Variants in UNC5C observed in about 807,000 individuals in gnomAD.
The protein encoded by UNC5C is netrin receptor UNC5C.
A neutral mutation model predicts 99.8 loss-of-function variants in UNC5C; 47 were observed. That is an observed-to-expected ratio of 0.47 (90% confidence interval 0.37 to 0.60). UNC5C has a LOEUF of 0.60. Ranked by LOEUF, UNC5C falls within the 20% of genes least tolerant of loss-of-function variation. The pLI is 0.00. For missense variants in UNC5C, 1,062 were observed against 1,165.9 expected (o/e 0.91, Z 1.30); for synonymous variants, 487 against 452.2 (o/e 1.08, Z -0.98).
chr4:95,364,209 C>A (rs902158671), intron 1 of UNC5C, among the ~76,000 whole-genome samples: 1 of 152,158 alleles, frequency 6.6e-6, no homozygotes, highest in Non-Finnish European at 1.5e-5. Flanking sequence ...TACAACACTG[C>A]TTTCCTGGCA....
At chr4:95,298,407 G>A (rs1443483266) in intron 3 of UNC5C, among the ~76,000 whole-genome samples, 3 of 152,206 alleles carry the variant, frequency 2.0e-5, no homozygotes, top group Non-Finnish European at 4.4e-5. Context: ...TTTAGCCCAG[G>A]CCTTACCTTT....
At chr4:95,350,374 C>T (rs1021096793) in intron 1 of UNC5C, among the ~76,000 whole-genome samples, 1 of 152,034 alleles carries the variant, frequency 6.6e-6, no homozygotes, top group Non-Finnish European at 1.5e-5. Context: ...GTAGTCTCAG[C>T]TACTCAGGAG....
intron 4 of UNC5C, among the ~76,000 whole-genome samples, chr4:95,270,229 T>G (rs1284497799): frequency 6.6e-6 from 1 of 152,206 alleles, no homozygotes; most frequent in Non-Finnish European, 1.5e-5. Context: ...TCTCTCTTGC[T>G]AAAAACCAGA....
chr4:95,391,628 T>A (rs933134225), intron 1 of UNC5C, among the ~76,000 whole-genome samples: 1 of 152,114 alleles, frequency 6.6e-6, no homozygotes. Flanking sequence ...AACTCTGTAT[T>A]GATGTATTAA....
intron 3 of UNC5C, among the ~76,000 whole-genome samples, chr4:95,290,582 A>G (rs778572570): frequency 6.6e-5 from 10 of 152,170 alleles, no homozygotes; most frequent in Non-Finnish European, 1.5e-4. Context: ...CTGTTTTGTT[A>G]TTTACAAAAT....
At chr4:95,263,885 ATTACT>A (rs1740337858) in intron 4 of UNC5C, among the ~76,000 whole-genome samples, 1 of 152,218 alleles carries the variant, frequency 6.6e-6, no homozygotes, top group East Asian at 1.9e-4. Flanking sequence ...ACATGTCCTT[ATTACT>A]TTAAATAACT....
chr4:95,494,528 G>A (rs982479519), intron 1 of UNC5C, among the ~76,000 whole-genome samples: 8 of 151,268 alleles, frequency 5.3e-5, no homozygotes, highest in African/African-American at 1.9e-4. Flanking sequence ...GAAAGAAAGT[G>A]CACAAATGCC....
chr4:95,261,001 T>G (rs1280613639), intron 4 of UNC5C, among the ~76,000 whole-genome samples: 1 of 152,154 alleles, frequency 6.6e-6, no homozygotes, highest in African/African-American at 2.4e-5. Context: ...CACAGGTTTA[T>G]AAGCTCAGAA....
At chr4:95,244,105 A>C (rs1177675656) in intron 6 of UNC5C, among the ~76,000 whole-genome samples, 2 of 152,208 alleles carry the variant, frequency 1.3e-5, no homozygotes, top group Non-Finnish European at 2.9e-5. Context: ...TAAAGGTTAA[A>C]GGATAAACAT....
chr4:95,440,382 A>T (rs1746913842), intron 1 of UNC5C, among the ~76,000 whole-genome samples: 1 of 152,148 alleles, frequency 6.6e-6, no homozygotes, highest in African/African-American at 2.4e-5. Context: ...AAATGTAAGA[A>T]ATTCAAACAA....
chr4:95,306,495 C>T (rs1163815920), intron 2 of UNC5C, among the ~76,000 whole-genome samples: 1 of 152,112 alleles, frequency 6.6e-6, no homozygotes, highest in Non-Finnish European at 1.5e-5. Context: ...AGCCACCACG[C>T]CTGCCTCTTC....
intron 1 of UNC5C, among the ~76,000 whole-genome samples, chr4:95,470,442 G>A (rs941629209): frequency 6.6e-6 from 1 of 152,042 alleles, no homozygotes; most frequent in Non-Finnish European, 1.5e-5. Flanking sequence ...GAGAATGGAC[G>A]GCACCATGAG....
At chr4:95,223,643 A>G (rs1158423375) in intron 7 of UNC5C, among the ~76,000 whole-genome samples, 1 of 152,202 alleles carries the variant, frequency 6.6e-6, no homozygotes, top group African/African-American at 2.4e-5. Context: ...ACTCAGTTTT[A>G]TAAATATTAT....
chr4:95,523,728 C>A (rs1382715941), intron 1 of UNC5C, among the ~76,000 whole-genome samples: 1 of 151,964 alleles, frequency 6.6e-6, no homozygotes, highest in Non-Finnish European at 1.5e-5. Context: ...CCATGTACTA[C>A]AAAAAAACAC....
At chr4:95,440,221 G>C (rs922063176) in intron 1 of UNC5C, among the ~76,000 whole-genome samples, 1 of 152,188 alleles carries the variant, frequency 6.6e-6, no homozygotes, top group Admixed American at 6.5e-5. Context: ...AAGGGAGACA[G>C]TAGATTGTTT....
chr4:95,526,353 A>G (rs17024125), intron 1 of UNC5C, among the ~76,000 whole-genome samples: 27,749 of 151,990 alleles, frequency 0.18, 4,703 homozygotes, highest in African/African-American at 0.45. Flanking sequence ...ACTATAATGC[A>G]CCCAATCTTT....
At chr4:95,292,904 A>G (rs1049563417) in intron 3 of UNC5C, among the ~76,000 whole-genome samples, 1 of 152,194 alleles carries the variant, frequency 6.6e-6, no homozygotes, top group Non-Finnish European at 1.5e-5. Flanking sequence ...GAAGAAAAGA[A>G]AGTCTCTGTC....
At chr4:95,181,079 G>A (rs980074851) in intron 14 of UNC5C, among the ~76,000 whole-genome samples, 1 of 152,012 alleles carries the variant, frequency 6.6e-6, no homozygotes, top group African/African-American at 2.4e-5. Context: ...CACAACAGTG[G>A]GATTCAGTGA....
intron 1 of UNC5C, among the ~76,000 whole-genome samples, chr4:95,442,399 G>T (rs1746975954): frequency 6.8e-6 from 1 of 147,208 alleles, no homozygotes; most frequent in African/African-American, 2.6e-5. Context: ...GTAGAGACAG[G>T]GTATCACTAT....
Sources: gnomAD v4.1 joint callset for allele counts (sites outside exome capture counted in the v4.1 genomes callset) on GRCh38, gnomAD v4.1.1 for gene constraint, MANE v1.5 for transcripts, NCBI Gene and HGNC (gene_info 2026-07-23, HGNC 2026-07-21) for gene names.